The following FAAH2 variants were observed in gnomAD, a reference collection of about 807,000 sequenced individuals.
FAAH2 encodes the protein fatty-acid amide hydrolase 2.
A neutral mutation model predicts 36.9 loss-of-function variants in FAAH2; 60 were observed. The ratio of observed to expected loss-of-function variants is 1.63; its 90% CI spans 1.32 to 2.02. The LOEUF (loss-of-function observed/expected upper bound fraction) is 2.02. FAAH2 is among the 30% of genes most tolerant of loss of function. The pLI is 0.00. For missense variants in FAAH2, 689 were observed against 397.5 expected (o/e 1.73, Z -6.23); for synonymous variants, 214 against 143.8 (o/e 1.49, Z -3.49).
At chrX:57,186,634 G>A in the FAAH2 span, among the ~76,000 whole-genome samples, 2 of 111,761 alleles carry the variant, frequency 1.8e-5, no homozygotes, top group Non-Finnish European at 1.9e-5. Context: ...TGAAGTCTTT[G>A]CCTATGTTTA....
intron 1 of FAAH2, among the ~76,000 whole-genome samples, chrX:57,288,338 CTTTTTTTTTTTTTTT>C (rs771871081): frequency 9.9e-5 from 4 of 40,363 alleles, no homozygotes; most frequent in East Asian, 8.3e-4. Context: ...AAAAACATTT[CTTTTTTTTTTTTTTT>C]TTTTTTTTTT....
At chrX:57,401,595 C>T (rs1313038820) in intron 7 of FAAH2, among the ~76,000 whole-genome samples, 1 of 111,606 alleles carries the variant, frequency 9.0e-6, no homozygotes, top group Non-Finnish European at 1.9e-5. Context: ...GGTACTACTG[C>T]ATGGTTTTAC....
At chrX:57,402,841 G>A (rs1360986596) in intron 7 of FAAH2, among the ~76,000 whole-genome samples, 2 of 112,011 alleles carry the variant, frequency 1.8e-5, no homozygotes, top group East Asian at 2.8e-4. Flanking sequence ...CTGCCTGGTG[G>A]CAGAATTGTT....
Position 57,488,808 on chromosome X carries a change from A to T in FAAH2, c.1475A>T (p.Asn492Ile). Residue 492 changes from asparagine (N) to isoleucine (I), a missense_variant, in exon 11 of 11, where the codon AAT (asparagine) becomes ATT (isoleucine). Physicochemically the swap from Asn to Ile is moderately radical, Grantham distance 149. Transcript: ENST00000374900. ...LPVTQCPLGL[N>I]AKGLPLGIQV... ...GTGACCCAATGCCCACTGGGACTGAATGCCAAAGGACTCCCTTTAGGCATC... is the reference window on the plus strand; with the variant it reads ...GTGACCCAATGCCCACTGGGACTGATTGCCAAAGGACTCCCTTTAGGCATC... 3 of 1,211,393 alleles carry T rather than the reference A, an allele frequency of 2.5e-6. No homozygotes were observed. In the South Asian group the frequency reaches 5.3e-5, roughly 21 times the overall value.
At chrX:57,293,275 A>T (rs1177937983) in intron 2 of FAAH2, among the ~76,000 whole-genome samples, 18 of 111,898 alleles carry the variant, frequency 1.6e-4, no homozygotes. Flanking sequence ...ATGAAACTTT[A>T]TATCACTACA....
the FAAH2 span, among the ~76,000 whole-genome samples, chrX:57,200,656 C>G: frequency 2.7e-5 from 3 of 111,709 alleles, no homozygotes; most frequent in African/African-American, 6.5e-5. Flanking sequence ...GGATTAAAGG[C>G]ATGAGCCACT....
chrX:57,151,291 A>T, the FAAH2 span, among the ~76,000 whole-genome samples: 2 of 111,464 alleles, frequency 1.8e-5, no homozygotes, highest in Non-Finnish European at 3.8e-5. Context: ...GTATTTCCTG[A>T]ATCTGAATGT....
chrX:57,163,543 G>C, the FAAH2 span, among the ~76,000 whole-genome samples: 1 of 112,032 alleles, frequency 8.9e-6, no homozygotes, highest in Non-Finnish European at 1.9e-5. Flanking sequence ...TCTGAGCCAG[G>C]TGCGAGATAT....
chrX:57,369,605 C>A (rs752193336), intron 5 of FAAH2, among the ~76,000 whole-genome samples: 2 of 111,478 alleles, frequency 1.8e-5, no homozygotes, highest in Non-Finnish European at 3.8e-5. Flanking sequence ...AAATGCCATA[C>A]CCAACAAAAC....
the FAAH2 span, among the ~76,000 whole-genome samples, chrX:57,208,649 A>C: frequency 8.9e-6 from 1 of 111,870 alleles, no homozygotes; most frequent in African/African-American, 3.3e-5. Context: ...GGGGTCTCAC[A>C]ACCTTCAGAG....
At chrX:57,352,138 GTA>G (rs2054038229) in intron 5 of FAAH2, among the ~76,000 whole-genome samples, 1 of 39,677 alleles carries the variant, frequency 2.5e-5, no homozygotes, top group Non-Finnish European at 4.6e-5. Flanking sequence ...ATATATATGT[GTA>G]TATATATGCA....
At chrX:57,456,112 C>T (rs942400343) in intron 10 of FAAH2, among the ~76,000 whole-genome samples, 9 of 111,794 alleles carry the variant, frequency 8.1e-5, no homozygotes, top group African/African-American at 2.9e-4. Flanking sequence ...AACTCTCAGA[C>T]CATAGTGCAA....
At chrX:57,247,413 G>A in the FAAH2 span, among the ~76,000 whole-genome samples, 1 of 111,226 alleles carries the variant, frequency 9.0e-6, no homozygotes, top group Non-Finnish European at 1.9e-5. Flanking sequence ...GAAGGAAGAG[G>A]GGTAGTGTAT....
chrX:57,301,379 A>G (rs1331792769), intron 2 of FAAH2, among the ~76,000 whole-genome samples: 53 of 102,618 alleles, frequency 5.2e-4, no homozygotes, highest in African/African-American at 1.5e-3. Context: ...ACCAAACACC[A>G]CATGTTCTCA....
chrX:57,378,940 C>A (rs2054761826), intron 6 of FAAH2, among the ~76,000 whole-genome samples, 154 bp downstream of exon 6: 1 of 111,948 alleles, frequency 8.9e-6, no homozygotes, highest in South Asian at 3.7e-4. Context: ...TAAGTGGATA[C>A]CATGCTTCAC....
chrX:57,177,018 A>G, the FAAH2 span, among the ~76,000 whole-genome samples: 10 of 111,216 alleles, frequency 9.0e-5, no homozygotes, highest in Admixed American at 9.6e-4. Flanking sequence ...GCACTTAAAA[A>G]AAAAATCCCC....
the FAAH2 span, among the ~76,000 whole-genome samples, chrX:57,185,205 T>A: frequency 9.0e-6 from 1 of 110,880 alleles, no homozygotes; most frequent in African/African-American, 3.3e-5. Context: ...TTTTATTAAC[T>A]CACCATCCCC....
At chrX:57,286,075 T>C (rs2051805653), upstream of FAAH2, among the ~76,000 whole-genome samples, 1 of 111,147 alleles carries the variant, frequency 9.0e-6, no homozygotes, top group South Asian at 3.8e-4. Context: ...GGCAGCAGTC[T>C]GGGGGACAAA....
At chrX:57,328,944 C>T (rs992243377) in intron 3 of FAAH2, among the ~76,000 whole-genome samples, 3 of 111,396 alleles carry the variant, frequency 2.7e-5, no homozygotes, top group African/African-American at 9.8e-5. Context: ...CTGAGGTCCT[C>T]CTGGACCACT....
Sources: gnomAD v4.1 joint callset for allele counts (sites outside exome capture counted in the v4.1 genomes callset) on GRCh38, gnomAD v4.1.1 for gene constraint, MANE v1.5 for transcripts, NCBI Gene and HGNC (gene_info 2026-07-23, HGNC 2026-07-21) for gene names.